PRKAG2: variants seen among roughly 807,000 people sequenced by gnomAD.
PRKAG2 encodes 5'-AMP-activated protein kinase subunit gamma-2.
Under a neutral mutation model 69.6 loss-of-function variants are expected in PRKAG2, and 26 were observed. That is an observed-to-expected ratio of 0.37 (90% CI 0.27 to 0.52). The LOEUF (loss-of-function observed/expected upper bound fraction) is 0.52, where lower values mean the gene tolerates loss of function less well. Ranked by LOEUF, PRKAG2 falls within the 20% of genes least tolerant of loss-of-function variation. PRKAG2 has a pLI of 0.90. For synonymous variants in PRKAG2, 293 were observed against 285.0 expected (o/e 1.03, Z -0.28); for missense variants, 557 against 740.0 (o/e 0.75, Z 2.87).
At chr7:151,711,081 TG>T (rs566208333) in intron 3 of PRKAG2, among the ~76,000 whole-genome samples, 5 of 151,998 alleles carry the variant, frequency 3.3e-5, no homozygotes, top group Non-Finnish European at 7.4e-5. Flanking sequence ...GTACTAACAG[TG>T]CTAGGCCTAG....
Position 151,559,722 on chromosome 7 carries a change from C to T in PRKAG2, c.1678+802G>A, listed in dbSNP as rs528444081. On this transcript the variant is annotated intron_variant, in intron 15 of 15. Transcript: ENST00000287878. Reference sequence around the variant, plus strand: ...GAAATCAATACTGTAGCACACACACCGTTTAATATTGGATTCTGAGAGTTC... The same window carrying T: ...GAAATCAATACTGTAGCACACACACTGTTTAATATTGGATTCTGAGAGTTC... The T allele has an allele frequency of 1.7e-4, 168 of 985,300 alleles. 1 individual carries two copies. The African/African-American group carries it at 2.8e-3, about 17-fold the overall frequency. The allele number at this position is 985,300 out of a possible 1,614,324, so 61.0% of individuals were successfully genotyped here.
rs60144398 is a variant in PRKAG2, at chr7:151,869,094, G to A, written c.114+7413C>T. On this transcript the variant is annotated intron_variant, in intron 1 of 15. Coordinates refer to ENST00000287878, the MANE Select transcript of PRKAG2 (RefSeq NM_016203.4). ...GTTCTGAGAGGTTTTATTGGGGGGG[G>A]CAGTTCAAAGAAAAGAGGCAGGAAA... is the stretch of plus-strand genomic sequence containing the variant. 4.0e-3 allele frequency among the ~76,000 whole-genome samples: 612 copies of A among 152,216 alleles called. 32 individuals are homozygous for A. In the East Asian group the frequency reaches 0.1, roughly 26 times the overall value.
intron 3 of PRKAG2, among the ~76,000 whole-genome samples, chr7:151,744,438 G>A (rs1294246576): frequency 6.6e-6 from 1 of 152,170 alleles, no homozygotes; most frequent in Non-Finnish European, 1.5e-5. Flanking sequence ...CCACTGCAGT[G>A]GGCATCTGAG....
At chr7:151,644,787 T>C (rs1295485488) in intron 4 of PRKAG2, among the ~76,000 whole-genome samples, 1 of 152,222 alleles carries the variant, frequency 6.6e-6, no homozygotes, top group African/African-American at 2.4e-5. Context: ...CCATTTTACA[T>C]TTCTGCCCAA....
chr7:151,796,427 T>A (rs1332619756), intron 1 of PRKAG2, among the ~76,000 whole-genome samples: 1 of 152,208 alleles, frequency 6.6e-6, no homozygotes, highest in Non-Finnish European at 1.5e-5. Context: ...CTCCTTTGAC[T>A]GTCAGGGAAC....
At chr7:151,591,527 C>T (rs2151114912) in intron 6 of PRKAG2, among the ~76,000 whole-genome samples, 1 of 152,336 alleles carries the variant, frequency 6.6e-6, no homozygotes, top group Non-Finnish European at 1.5e-5. Flanking sequence ...GCCTGAAACA[C>T]TGGAGACACC....
intron 15 of PRKAG2, chr7:151,558,797 G>A: frequency 1.0e-6 from 1 of 985,436 alleles, no homozygotes; most frequent in Non-Finnish European, 1.2e-6. Context: ...AGCAGTGATG[G>A]GAGGGGCATT....
chr7:151,855,330 G>C (rs777197563), intron 1 of PRKAG2, among the ~76,000 whole-genome samples: 15 of 1,372 alleles, frequency 0.011, no homozygotes, highest in Admixed American at 0.037. Flanking sequence ...CCCACACACC[G>C]CCCTCCACAC....
Position 151,828,490 on chromosome 7 carries a change from G to C in PRKAG2, c.115-41949C>G, listed in dbSNP as rs562689260. ...TCACAGAGGTGACACTGCTATAAAG[G>C]CTAGCAAAGCAAACTTAGGAGAGAA... On this transcript the variant is annotated intron_variant, in intron 1 of 15. Transcript: ENST00000287878. This position sits in a 1 kb window ranked among gnomAD's most constrained non-coding sequence, Gnocchi z 4.6. 6.6e-6 allele frequency among the ~76,000 whole-genome samples: 1 copy of C among 152,292 alleles called. No individual in the cohort carries two copies. The highest frequency in any genetic ancestry group is 1.9e-4 in the East Asian group (1 of 5,190).
In PRKAG2 at chr7:151,820,325, C is replaced by G. The variant is rs541838297; in HGVS notation, c.115-33784G>C. Among the ~76,000 whole-genome samples the G allele has an allele frequency of 1.9e-4, 29 of 152,322 alleles. No individual in the cohort carries two copies. In the South Asian group the frequency reaches 5.4e-3, roughly 29 times the overall value. ...AACTTCTCTGACCTCGCTCCTACCC[C>G]CATCACGATTACTCCTCCACACCCA... On this transcript the variant is annotated intron_variant, in intron 1 of 15. Coordinates refer to ENST00000287878, the MANE Select transcript of PRKAG2 (RefSeq NM_016203.4).
chr7:151,604,183 C>T (rs1476540662), intron 5 of PRKAG2, among the ~76,000 whole-genome samples: 2 of 152,200 alleles, frequency 1.3e-5, no homozygotes, highest in Non-Finnish European at 2.9e-5. Flanking sequence ...GTGCTCCCTG[C>T]GTGGGCTTCC....
rs181575483 is a variant in PRKAG2, at chr7:151,780,782, C to T, written c.466+370G>A. On this transcript the variant is annotated intron_variant, in intron 3 of 15. Coordinates refer to ENST00000287878, the MANE Select transcript of PRKAG2 (RefSeq NM_016203.4). The surrounding 1 kb of genome is among the most constrained non-coding windows in gnomAD (Gnocchi z 4.2). ...CCAAAGCAGTATGGTCCCGTGGCCC[C>T]GGGTGAGGGCCTAAGCTTGGCTCCA... Among the ~76,000 whole-genome samples, 140 of 152,296 alleles carry T rather than the reference C, an allele frequency of 9.2e-4. No individual in the cohort carries two copies. The highest frequency in any genetic ancestry group is 3.1e-3 in the African/African-American group (128 of 41,558).
At chr7:151,829,134 G>A (rs907075034) in intron 1 of PRKAG2, among the ~76,000 whole-genome samples, 2 of 152,134 alleles carry the variant, frequency 1.3e-5, no homozygotes, top group South Asian at 2.1e-4. Context: ...TATCTGATAG[G>A]GACTTGTATT....
chr7:151,627,808 G>A (rs534123997), intron 5 of PRKAG2, among the ~76,000 whole-genome samples: 99 of 152,190 alleles, frequency 6.5e-4, no homozygotes, highest in African/African-American at 2.2e-3. Context: ...AACCACAGGC[G>A]TGCACCACCA....
In PRKAG2 at chr7:151,820,948, AC is replaced by A. The variant is rs59127176; in HGVS notation, c.115-34408del. On this transcript the variant is annotated intron_variant, in intron 1 of 15. Transcript: ENST00000287878. ...CTCCCAGTCAATGGATATTCTTAGG[AC>A]CCCCCCCAGCCAGGTACCTGCCTCA... Among the ~76,000 whole-genome samples the A allele has an allele frequency of 4.4e-3, 666 of 151,274 alleles. 8 individuals are homozygous for A. The highest frequency in any genetic ancestry group is 0.018 in the South Asian group (86 of 4,754).
Position 151,557,203 on chromosome 7 carries a change from A to C in PRKAG2, c.1708T>G (p.Ter570GlyextTer3), listed in dbSNP as rs2150957786. 6.2e-7 allele frequency: 1 copy of C among 1,614,114 alleles called. No homozygotes were observed. The highest frequency in any genetic ancestry group is 8.5e-7 in the Non-Finnish European group (1 of 1,180,014). The change falls in exon 16 of 16, where the codon TGA (stop) becomes GGA (glycine). Residue 570 changes from the stop codon to glycine (G), a stop_lost. Coordinates refer to ENST00000287878, the MANE Select transcript of PRKAG2 (RefSeq NM_016203.4). ...GAKQKETETE* is the reference protein window; with the variant it reads ...GAKQKETETEG ...TAGGGCGTCTACATTCACGGCGGTC[A>C]CTCCGTTTCTGTCTCCTTTTGTTTG...
intron 4 of PRKAG2, among the ~76,000 whole-genome samples, chr7:151,667,071 C>G (rs190661338): frequency 4.1e-4 from 62 of 152,328 alleles, no homozygotes; most frequent in Non-Finnish European, 7.3e-4. Flanking sequence ...CAGCTGTCGT[C>G]TACTGACTGG....
chr7:151,740,968 A>G (rs2073841572), intron 3 of PRKAG2, among the ~76,000 whole-genome samples: 1 of 152,230 alleles, frequency 6.6e-6, no homozygotes, highest in Non-Finnish European at 1.5e-5. Context: ...AAATTCTGGA[A>G]GTAGGTAAGT....
In PRKAG2 at chr7:151,876,510, A is replaced by T. The variant is rs144426409; in HGVS notation, c.111T>A (p.Ile37=). ...SQKRRSLRVH[I]PDLSSFAMPL... ...GGGACCGAGTGCTGGGACTCACCGG[A>T]ATGTGCACGCGCAGCGAACGCCTCT... The change falls in exon 1 of 16, where the codon ATT becomes ATA. Residue 37 remains isoleucine (I), a synonymous_variant. Transcript: ENST00000287878. 4.1e-3 allele frequency: 6,621 copies of T among 1,605,746 alleles called. 18 individuals are homozygous for T. Among genetic ancestry groups the T allele is most frequent in the Non-Finnish European group, 5.2e-3 (6,075 of 1,179,528 alleles).
Sources: gnomAD v4.1 joint callset for allele counts (sites outside exome capture counted in the v4.1 genomes callset) on GRCh38, gnomAD v4.1.1 for gene constraint, Gnocchi (gnomAD v3.1) non-coding constraint, MANE v1.5 for transcripts, NCBI Gene and HGNC (gene_info 2026-07-23, HGNC 2026-07-21) for gene names.